The following GOLGA3 variants were observed in gnomAD, a reference collection of about 807,000 sequenced individuals.
GOLGA3 encodes golgin A3, also known as golgin subfamily A member 3.
GOLGA3 carries 75 observed loss-of-function variants against 169.4 expected under a neutral mutation model. The ratio of observed to expected loss-of-function variants is 0.44; its 90% CI spans 0.37 to 0.54. GOLGA3 has a LOEUF of 0.54. Among genes scored for constraint, GOLGA3 ranks in the 20% least tolerant of loss-of-function variants. The probability of loss-of-function intolerance (pLI) is 0.00; values close to 1 mark genes in which losing one functional copy is unlikely to be tolerated. For missense variants in GOLGA3, 1,899 were observed against 1,930.0 expected (o/e 0.98, Z 0.30); for synonymous variants, 824 against 822.4 (o/e 1.00, Z -0.03).
At chr12:132,792,755 C>T (rs1344843306) in intron 11 of GOLGA3, among the ~76,000 whole-genome samples, 5 of 131,522 alleles carry the variant, frequency 3.8e-5, no homozygotes, top group Admixed American at 3.8e-4. Context: ...GAGGGCTCCA[C>T]ACGGACTGAC....
intron 2 of GOLGA3, among the ~76,000 whole-genome samples, chr12:132,818,118 C>G (rs1446130238): frequency 1.9e-4 from 28 of 146,154 alleles, no homozygotes; most frequent in African/African-American, 6.4e-4. Context: ...CTCCACTCCT[C>G]CATGCTCTAA....
At chr12:132,821,099 CAAAAAAAA>C (rs61336622) in intron 2 of GOLGA3, among the ~76,000 whole-genome samples, 2 of 49,340 alleles carry the variant, frequency 4.1e-5, no homozygotes, top group Non-Finnish European at 6.9e-5. Flanking sequence ...GACACCGTCT[CAAAAAAAA>C]AAAAAAAAAA....
chr12:132,784,284 C>T lies in GOLGA3; in HGVS notation c.3147G>A (p.Ala1049=), dbSNP rs747022935. The T allele has an allele frequency of 1.9e-5, 31 of 1,609,256 alleles. No homozygotes were observed. Among genetic ancestry groups the T allele is most frequent in the East Asian group, 2.2e-5 (1 of 44,898 alleles). ...TGCTATGACTGACAGCCTGCAGCTC[C>T]GCCTCCAGGGCCTGGATCCTTTCCT... is the stretch of plus-strand genomic sequence containing the variant. ...ALHERIQALE[A]ELQAVSHSKT... Residue 1049 remains alanine, a synonymous_variant, in exon 16 of 24, where the codon GCG becomes GCA. Coordinates refer to ENST00000450791, the MANE Select transcript of GOLGA3 (RefSeq NM_001389683.1).
Position 132,807,282 on chromosome 12 carries a change from G to A in GOLGA3, c.1185C>T (p.Ser395=). ...SRRDSICSSV[S]LESSAAETQE... ...GTGTTTCTGCTGCAGAGCTCTCCAAGGACACGCTGGGGACAAAGGCACGGG... is the reference window on the plus strand; with the variant it reads ...GTGTTTCTGCTGCAGAGCTCTCCAAAGACACGCTGGGGACAAAGGCACGGG... Residue 395 remains serine, a synonymous_variant, in exon 6 of 24, where the codon TCC becomes TCT. Coordinates refer to ENST00000450791, the MANE Select transcript of GOLGA3 (RefSeq NM_001389683.1). The A allele has an allele frequency of 1.3e-6, 2 of 1,553,002 alleles. No homozygotes were observed. Among genetic ancestry groups the A allele is most frequent in the Non-Finnish European group, 1.7e-6 (2 of 1,143,790 alleles).
intron 11 of GOLGA3, among the ~76,000 whole-genome samples, chr12:132,791,699 G>C: frequency 8.0e-6 from 1 of 124,368 alleles, no homozygotes; most frequent in South Asian, 3.0e-4. Context: ...TTACACTGAG[G>C]GCTACAGCAG....
Position 132,796,201 on chromosome 12 carries a change from T to C in GOLGA3, c.2120A>G (p.Gln707Arg), listed in dbSNP as rs200602834. ...QLEQVKLTLL[Q>R]RDQQLEALQQ... ...CAAAGCCTCAAGCTGCTGGTCTCGC[T>C]GGAGTAAAGTCAACTTCACCTGGAG... Residue 707 changes from glutamine to arginine, a missense_variant, in exon 11 of 24, where the codon CAG becomes CGG. Gln to Arg is a conservative substitution (Grantham distance 43). Transcript: ENST00000450791. 93 of 1,591,696 alleles carry C rather than the reference T, an allele frequency of 5.8e-5. No individual in the cohort carries two copies. The highest frequency in any genetic ancestry group is 2.5e-4 in the Admixed American group (15 of 59,454).
At chr12:132,790,059 T>A (rs563209995) in intron 12 of GOLGA3, among the ~76,000 whole-genome samples, 2 of 150,748 alleles carry the variant, frequency 1.3e-5, no homozygotes, top group Admixed American at 6.6e-5. Context: ...AGGCCGGGCG[T>A]GGTGGCTCAT....
intron 2 of GOLGA3, among the ~76,000 whole-genome samples, chr12:132,819,083 TGAGGGGG>T (rs1467851082): frequency 1.3e-5 from 2 of 149,980 alleles, no homozygotes; most frequent in Non-Finnish European, 2.9e-5. Context: ...CCAAGACATG[TGAGGGGG>T]GAGGGAGGGT....
chr12:132,773,041 T>TAATAA lies in GOLGA3; in HGVS notation c.*63_*64insTTATT. On this transcript the variant is annotated 3_prime_UTR_variant, in exon 24 of 24. Coordinates refer to ENST00000450791, the MANE Select transcript of GOLGA3 (RefSeq NM_001389683.1). ...TCTTAGAAAAACATCGACCACACAA[T>TAATAA]CAAATAAATAACATTGATAAGAGCC... 2 of 1,168,150 alleles carry TAATAA rather than the reference T, an allele frequency of 1.7e-6. No individual in the cohort carries two copies. The highest frequency in any genetic ancestry group is 2.4e-6 in the Non-Finnish European group (2 of 848,616). 72.4% of individuals were successfully genotyped at this position (1,168,150 alleles called of 1,614,324 possible).
upstream of GOLGA3, chr12:132,828,937 G>C (rs1161867112): frequency 1.3e-5 from 2 of 152,272 alleles, no homozygotes; most frequent in African/African-American, 2.4e-5. Flanking sequence ...TTTCGTTCCG[G>C]AACAGAGAAC....
At position 132,804,591 on chromosome 12, in the gene GOLGA3, A is replaced by C; in HGVS notation, c.1597+125T>G. ...GGGAGCAGCGGGGACCAGTCGAGGA[A>C]GGAGGAGGGAGCAGCAAGGACCAGT... On this transcript the variant is annotated intron_variant, in intron 7 of 23. Coordinates refer to ENST00000450791, the MANE Select transcript of GOLGA3 (RefSeq NM_001389683.1). This position sits in a 1 kb window ranked among gnomAD's most constrained non-coding sequence, Gnocchi z 4.1. 2.7e-6 allele frequency: 2 copies of C among 749,522 alleles called. No individual in the cohort carries two copies. Among genetic ancestry groups the C allele is most frequent in the East Asian group, 2.6e-5 (1 of 38,052 alleles). The allele number at this position is 749,522 out of a possible 1,614,324, so 46.4% of individuals were successfully genotyped here.
At chr12:132,773,384 G>T (rs957506191) in intron 23 of GOLGA3, 90 bp from the exon 24 acceptor site, 5 of 824,252 alleles carry the variant, frequency 6.1e-6, no homozygotes, top group Non-Finnish European at 8.9e-6. Context: ...GCTAGCACCT[G>T]AGTGGACCGG....
At chr12:132,794,479 G>A (rs1306664899) in intron 11 of GOLGA3, among the ~76,000 whole-genome samples, 2 of 152,324 alleles carry the variant, frequency 1.3e-5, no homozygotes, top group African/African-American at 2.4e-5. Context: ...ACAGACTTCA[G>A]AGCTGGGAAG....
chr12:132,802,377 GGGGGC>G (rs1949168790), intron 7 of GOLGA3, among the ~76,000 whole-genome samples: 2 of 89,404 alleles, frequency 2.2e-5, no homozygotes, highest in East Asian at 5.9e-4. Context: ...CGGGGGTGCA[GGGGGC>G]ATGGGGGGTG....
intron 1 of GOLGA3, chr12:132,825,912 G>A (rs1950393257): frequency 6.2e-6 from 6 of 967,308 alleles, no homozygotes; most frequent in Admixed American, 3.4e-5. Context: ...ATTCGAGGGC[G>A]GATCCTCTCT....
rs567405934 is a variant in GOLGA3 at position 132,821,811 on chromosome 12, G to A, written c.133+185C>T. ...GGAGCTTGCAGCGAGCCGAGATCAC[G>A]CCACTGCAGTCCAGCCTGGGCGAAA... On this transcript the variant is annotated intron_variant, in intron 2 of 23. Coordinates refer to ENST00000450791, the MANE Select transcript of GOLGA3 (RefSeq NM_001389683.1). Among the ~76,000 whole-genome samples, 89 of 134,638 alleles carry A rather than the reference G, an allele frequency of 6.6e-4. 1 individual carries two copies. The highest frequency in any genetic ancestry group is 1.7e-3 in the African/African-American group (65 of 37,150). 88.3% of individuals were successfully genotyped at this position (134,638 alleles called of 152,430 possible).
chr12:132,820,912 C>T (rs756068239), intron 2 of GOLGA3, among the ~76,000 whole-genome samples: 1 of 151,762 alleles, frequency 6.6e-6, no homozygotes, highest in Non-Finnish European at 1.5e-5. Flanking sequence ...CCAGCCTGGC[C>T]AACATGGTGA....
At chr12:132,821,670 C>T (rs191766208) in intron 2 of GOLGA3, among the ~76,000 whole-genome samples, 78 of 151,556 alleles carry the variant, frequency 5.1e-4, no homozygotes, top group African/African-American at 6.0e-4. Flanking sequence ...TTGGCTAACA[C>T]GGTGAAACCC....
rs1318221280 is a variant in GOLGA3, at chr12:132,804,572, A to G, written c.1597+144T>C. On this transcript the variant is annotated intron_variant, in intron 7 of 23. Transcript: ENST00000450791. This position sits in a 1 kb window ranked among gnomAD's most constrained non-coding sequence, Gnocchi z 4.1. ...GGGACCAGTCGAGGAAGGAGGGAGC[A>G]GCGGGGACCAGTCGAGGAAGGAGGA... is the stretch of plus-strand genomic sequence containing the variant. 1 of 666,110 alleles carries G rather than the reference A, an allele frequency of 1.5e-6. No homozygotes were observed. Among genetic ancestry groups the G allele is most frequent in the Non-Finnish European group, 2.6e-6 (1 of 389,076 alleles). The allele number at this position is 666,110 out of a possible 1,614,324, so 41.3% of individuals were successfully genotyped here.
Sources: gnomAD v4.1 joint callset for allele counts (sites outside exome capture counted in the v4.1 genomes callset) on GRCh38, gnomAD v4.1.1 for gene constraint, Gnocchi (gnomAD v3.1) non-coding constraint, MANE v1.5 for transcripts, NCBI Gene and HGNC (gene_info 2026-07-23, HGNC 2026-07-21) for gene names.